Variants in CLEC1B observed in about 807,000 individuals in gnomAD.
CLEC1B encodes C-type lectin-like receptor 2.
CLEC1B carries 26 observed loss-of-function variants against 26.7 expected under a neutral mutation model. That is an observed-to-expected ratio of 0.97 (90% confidence interval 0.71 to 1.35). The LOEUF (loss-of-function observed/expected upper bound fraction) is 1.35, where lower values mean the gene tolerates loss of function less well. CLEC1B is among the 40% of genes most tolerant of loss of function. CLEC1B has a pLI of 0.00. For missense variants in CLEC1B, 293 were observed against 282.6 expected, an observed-to-expected ratio of 1.04 and a Z score of -0.26; for synonymous variants, 112 against 96.0, an observed-to-expected ratio of 1.17 and a Z score of -0.97.
chr12:9,995,523 G>A (rs1865022537), intron 4 of CLEC1B: 1 of 382,650 alleles, frequency 2.6e-6, no homozygotes, highest in Middle Eastern at 8.4e-4. Flanking sequence ...AACCAGTTGA[G>A]GATTATACTC....
At chr12:9,997,120 G>A in intron 3 of CLEC1B, 40 bp downstream of exon 3, 1 of 1,611,668 alleles carries the variant, frequency 6.2e-7, no homozygotes, top group Non-Finnish European at 8.5e-7. Flanking sequence ...AAATGCTCCA[G>A]GGGTTGGAGA....
In CLEC1B at chr12:9,993,236, A is replaced by G. The variant is rs180901380; in HGVS notation, c.597T>C (p.His199=). ...AGAAGGTAGGGTGCATTTTCCCATTATGAAAATAAGCACAATTCATATTTC... is the reference window on the plus strand; with the variant it reads ...AGAAGGTAGGGTGCATTTTCCCATTGTGAAAATAAGCACAATTCATATTTC... The part of the protein sequence containing the change: ...GKGNMNCAYF[H]NGKMHPTFCE... The change falls in exon 6 of 6, where the codon CAT becomes CAC. Residue 199 remains histidine, a synonymous_variant. Transcript: ENST00000298527. 121 of 1,612,452 alleles carry G rather than the reference A, an allele frequency of 7.5e-5. No homozygotes were observed. The highest frequency in any genetic ancestry group is 9.6e-5 in the Non-Finnish European group (113 of 1,178,730).
At chr12:9,998,214 G>C in intron 2 of CLEC1B, 68 bp downstream of exon 2, 1 of 1,174,916 alleles carries the variant, frequency 8.5e-7, no homozygotes, top group Non-Finnish European at 1.3e-6. Flanking sequence ...GAGAAGCTTA[G>C]TGGGATATGC....
upstream of CLEC1B, among the ~76,000 whole-genome samples, chr12:10,001,137 T>C (rs1865154096): frequency 1.3e-5 from 2 of 152,196 alleles, no homozygotes. Flanking sequence ...ACATTTTTTG[T>C]TTATTAACAA....
upstream of CLEC1B, chr12:9,999,194 C>T (rs1865125641): frequency 1.2e-6 from 1 of 812,310 alleles, no homozygotes; most frequent in East Asian, 2.5e-5. Flanking sequence ...AGTTTATGAT[C>T]TTCCTGTCTT....
chr12:9,998,644 T>TTTTG (rs1555145643), intron 1 of CLEC1B, among the ~76,000 whole-genome samples: 1 of 145,618 alleles, frequency 6.9e-6, no homozygotes, highest in Non-Finnish European at 1.5e-5. Flanking sequence ...GTGTTTGTAT[T>TTTTG]TTTTGTTTTG....
intron 5 of CLEC1B, among the ~76,000 whole-genome samples, chr12:9,994,452 A>C (rs1260439035): frequency 2.6e-5 from 4 of 152,116 alleles, no homozygotes; most frequent in Admixed American, 1.3e-4. Context: ...AGATTATATA[A>C]GTTTTGGTTA....
intron 4 of CLEC1B, among the ~76,000 whole-genome samples, chr12:9,996,110 T>A (rs1171024227): frequency 6.6e-6 from 1 of 152,178 alleles, no homozygotes; most frequent in African/African-American, 2.4e-5. Context: ...GACAGATATG[T>A]GAGACTCAAA....
rs376994917 is a variant in CLEC1B at position 9,999,108 on chromosome 12, C to T, written c.-8G>A. ...TCCATCTTCATCCTGCATGGCTTCC[C>T]GAGTACTGCAACTGAGCTCAGAGTT... On this transcript the variant is annotated 5_prime_UTR_variant, in exon 1 of 6. Coordinates refer to ENST00000298527, the MANE Select transcript of CLEC1B (RefSeq NM_016509.4). 1.3e-5 allele frequency: 21 copies of T among 1,597,884 alleles called. No individual in the cohort carries two copies. The highest frequency in any genetic ancestry group is 4.0e-5 in the African/African-American group (3 of 74,478).
At chr12:9,998,209 G>A in intron 2 of CLEC1B, 73 bp downstream of exon 2, 1 of 1,123,392 alleles carries the variant, frequency 8.9e-7, no homozygotes, top group Admixed American at 1.7e-5. Flanking sequence ...CCATTGAGAA[G>A]CTTAGTGGGA....
chr12:9,995,481 CT>C, intron 4 of CLEC1B: 1 of 449,614 alleles, frequency 2.2e-6, no homozygotes, highest in Non-Finnish European at 4.1e-6. Flanking sequence ...TTCTAATCTT[CT>C]TTTGTGTTTA....
At position 9,999,108 on chromosome 12, in the gene CLEC1B, C is replaced by G. The variant is rs376994917; in HGVS notation, c.-8G>C. 4.4e-6 allele frequency: 7 copies of G among 1,598,004 alleles called. No homozygotes were observed. In the South Asian group the frequency reaches 7.9e-5, roughly 18 times the overall value. ...TCCATCTTCATCCTGCATGGCTTCC[C>G]GAGTACTGCAACTGAGCTCAGAGTT... On this transcript the variant is annotated 5_prime_UTR_variant, in exon 1 of 6. Coordinates refer to ENST00000298527, the MANE Select transcript of CLEC1B (RefSeq NM_016509.4).
At chr12:10,000,162 A>G (rs542709087), upstream of CLEC1B, among the ~76,000 whole-genome samples, 7 of 152,322 alleles carry the variant, frequency 4.6e-5, no homozygotes, top group Non-Finnish European at 1.0e-4. Flanking sequence ...GTAGGCATTT[A>G]CCTTATAAAT....
chr12:9,994,867 A>G (rs567974779), intron 5 of CLEC1B, among the ~76,000 whole-genome samples: 5 of 152,122 alleles, frequency 3.3e-5, no homozygotes, highest in African/African-American at 1.2e-4. Flanking sequence ...ATACACATAC[A>G]TGCACACAGT....
chr12:9,999,010 C>T, intron 1 of CLEC1B, 27 bp downstream of exon 1: 1 of 1,346,556 alleles, frequency 7.4e-7, no homozygotes, highest in Non-Finnish European at 1.1e-6. Context: ...AATTAATTTC[C>T]AAATTATTGG....
At chr12:9,995,688 G>T in intron 4 of CLEC1B, 1 of 233,720 alleles carries the variant, frequency 4.3e-6, no homozygotes, top group South Asian at 5.2e-5. Flanking sequence ...TCTTACATAT[G>T]GAAGTATTAA....
At chr12:9,995,624 CTTAGAG>C (rs1201040180) in intron 4 of CLEC1B, 1 of 298,074 alleles carries the variant, frequency 3.4e-6, no homozygotes, top group South Asian at 3.0e-5. Context: ...CTGTATATTC[CTTAGAG>C]TTAAAGCCCT....
At chr12:9,996,523 G>A (rs1009106386) in intron 4 of CLEC1B, among the ~76,000 whole-genome samples, 2 of 146,886 alleles carry the variant, frequency 1.4e-5, no homozygotes, top group Admixed American at 1.3e-4. Context: ...AACAGTAAGT[G>A]GACAGCACAG....
At chr12:9,997,906 A>T (rs550937126) in intron 2 of CLEC1B, among the ~76,000 whole-genome samples, 2 of 152,184 alleles carry the variant, frequency 1.3e-5, no homozygotes, top group South Asian at 4.1e-4. Context: ...AATGAGAAAA[A>T]TTTCAGACAA....
Sources: gnomAD v4.1 joint callset for allele counts (sites outside exome capture counted in the v4.1 genomes callset) on GRCh38, gnomAD v4.1.1 for gene constraint, MANE v1.5 for transcripts, NCBI Gene and HGNC (gene_info 2026-07-23, HGNC 2026-07-21) for gene names.